The following ARMC3 variants were observed in gnomAD, a reference collection of about 807,000 sequenced individuals.
The protein encoded by ARMC3 is armadillo repeat containing 3.
Under a neutral mutation model 90.3 loss-of-function variants are expected in ARMC3, and 74 were observed. The observed-to-expected ratio is 0.82, with a 90% CI of 0.68 to 0.99. ARMC3 has a LOEUF of 0.99. Ranked by LOEUF, ARMC3 falls within the 50% of genes least tolerant of loss-of-function variation. ARMC3 has a pLI of 0.00. For synonymous variants in ARMC3, 334 were observed against 361.8 expected, an observed-to-expected ratio of 0.92 and a Z score of 0.87; for missense variants, 958 against 1,042.8, an observed-to-expected ratio of 0.92 and a Z score of 1.12.
At chr10:23,001,856 T>C in intron 11 of ARMC3, 63 bp from the exon 12 acceptor site, 1 of 1,530,056 alleles carries the variant, frequency 6.5e-7, no homozygotes, top group Non-Finnish European at 8.8e-7. Flanking sequence ...TGAGATTTTT[T>C]TAAAAGCACA....
intron 10 of ARMC3, chr10:22,997,493 T>C (rs1837042297): frequency 6.6e-6 from 1 of 152,222 alleles, no homozygotes; most frequent in African/African-American, 2.4e-5. Context: ...TTACTAAAAT[T>C]ATCTATTTAT....
At chr10:23,011,204 G>A (rs141700898) in intron 16 of ARMC3, among the ~76,000 whole-genome samples, 3 of 152,104 alleles carry the variant, frequency 2.0e-5, no homozygotes, top group African/African-American at 7.2e-5. Context: ...GTGCCTGGCT[G>A]GCACTCATAG....
intron 7 of ARMC3, among the ~76,000 whole-genome samples, chr10:22,964,239 A>T (rs1015430995): frequency 2.0e-4 from 31 of 152,118 alleles, no homozygotes; most frequent in African/African-American, 7.5e-4. Context: ...AAAATATAAA[A>T]CACTTTTTAA....
At chr10:22,933,756 G>A (rs193107865) in intron 2 of ARMC3, among the ~76,000 whole-genome samples, 1 of 152,240 alleles carries the variant, frequency 6.6e-6, no homozygotes, top group Non-Finnish European at 1.5e-5. Flanking sequence ...GTGGTGGCAG[G>A]CGCTGGTAGT....
chr10:22,990,341 C>T (rs926269266), intron 10 of ARMC3, among the ~76,000 whole-genome samples: 1 of 152,166 alleles, frequency 6.6e-6, no homozygotes, highest in Non-Finnish European at 1.5e-5. Context: ...AGGAAACTGC[C>T]CCAGCTCTAG....
chr10:22,988,582 A>G (rs1025728224), intron 10 of ARMC3, among the ~76,000 whole-genome samples: 5 of 152,224 alleles, frequency 3.3e-5, no homozygotes, highest in African/African-American at 1.2e-4. Context: ...AGAATTGCCT[A>G]TATTTCATAG....
At chr10:22,956,048 C>T in intron 4 of ARMC3, 116 bp downstream of exon 4, 1 of 1,036,324 alleles carries the variant, frequency 9.6e-7, no homozygotes, top group East Asian at 2.7e-5. Flanking sequence ...TTCATGTTCA[C>T]AAAAACATTT....
chr10:23,008,762 T>C (rs1837767939), intron 15 of ARMC3, 53 bp from the exon 16 acceptor site: 1 of 1,416,556 alleles, frequency 7.1e-7, no homozygotes, highest in Non-Finnish European at 9.9e-7. Flanking sequence ...ATGTAATGTA[T>C]TGTTGTTTTC....
At chr10:23,018,338 G>C (rs774187244) in intron 16 of ARMC3, among the ~76,000 whole-genome samples, 6 of 152,086 alleles carry the variant, frequency 3.9e-5, no homozygotes, top group Non-Finnish European at 5.9e-5. Flanking sequence ...CTGGAGTCCT[G>C]GAAACTTAGG....
chr10:22,933,287 G>A (rs1181901262), intron 2 of ARMC3, among the ~76,000 whole-genome samples: 5 of 152,030 alleles, frequency 3.3e-5, no homozygotes, highest in Admixed American at 6.6e-5. Flanking sequence ...TGCATCCAAG[G>A]TTTGTATCAC....
At chr10:22,951,007 G>A (rs1462740391) in intron 3 of ARMC3, among the ~76,000 whole-genome samples, 2 of 149,644 alleles carry the variant, frequency 1.3e-5, no homozygotes, top group Admixed American at 1.3e-4. Flanking sequence ...GCGCAATCTC[G>A]GCTCACTGCA....
Position 23,003,431 on chromosome 10 carries a change from A to G in ARMC3, c.1731+17A>G. 1 of 1,573,968 alleles carries G rather than the reference A, an allele frequency of 6.4e-7. No homozygotes were observed. Among genetic ancestry groups the G allele is most frequent in the Non-Finnish European group, 8.6e-7 (1 of 1,160,134 alleles). ...TATGGTCGGGTAAGTGACAGCATTT[A>G]TTTGTAGTTTAGTATGTACAATAAT... On this transcript the variant is annotated intron_variant, in intron 13 of 18. Transcript: ENST00000298032.
intron 8 of ARMC3, among the ~76,000 whole-genome samples, chr10:22,978,087 C>T (rs1054140302): frequency 1.3e-5 from 2 of 152,170 alleles, no homozygotes; most frequent in African/African-American, 4.8e-5. Context: ...TACCTCTTAA[C>T]TCTTATTATC....
At chr10:22,929,047 G>C (rs898670045) in intron 1 of ARMC3, among the ~76,000 whole-genome samples, 1 of 152,002 alleles carries the variant, frequency 6.6e-6, no homozygotes, top group South Asian at 2.1e-4. Context: ...GTCAATGTGG[G>C]GAAACCTGTC....
At chr10:22,939,588 C>T (rs533498576) in intron 2 of ARMC3, among the ~76,000 whole-genome samples, 5 of 152,196 alleles carry the variant, frequency 3.3e-5, no homozygotes, top group East Asian at 1.9e-4. Flanking sequence ...AGCTTAAAAA[C>T]GGGCTTTAAA....
intron 16 of ARMC3, among the ~76,000 whole-genome samples, chr10:23,015,456 T>C (rs1195006214): frequency 6.6e-6 from 1 of 152,252 alleles, no homozygotes; most frequent in Non-Finnish European, 1.5e-5. Context: ...GATCTGTTTG[T>C]GAAATGTGTG....
intron 7 of ARMC3, among the ~76,000 whole-genome samples, chr10:22,964,193 A>G (rs899813055): frequency 3.2e-4 from 49 of 152,136 alleles, no homozygotes; most frequent in African/African-American, 1.2e-3. Flanking sequence ...ACATGGGGAT[A>G]AATTTACCAA....
chr10:22,998,439 A>G, intron 11 of ARMC3, 42 bp downstream of exon 11: 1 of 1,604,876 alleles, frequency 6.2e-7, no homozygotes, highest in Non-Finnish European at 8.5e-7. Flanking sequence ...TTTTCTGGTT[A>G]GTACCTACTG....
chr10:22,997,118 C>G (rs150181390), intron 10 of ARMC3: 42 of 152,256 alleles, frequency 2.8e-4, no homozygotes, highest in African/African-American at 1.0e-3. Flanking sequence ...TATCTTATTG[C>G]TTGGAACATC....
Sources: gnomAD v4.1 joint callset for allele counts (sites outside exome capture counted in the v4.1 genomes callset) on GRCh38, gnomAD v4.1.1 for gene constraint, MANE v1.5 for transcripts, NCBI Gene and HGNC (gene_info 2026-07-23, HGNC 2026-07-21) for gene names.